The following RBM26 variants were observed in gnomAD, a reference collection of about 807,000 sequenced individuals.
RBM26 encodes the protein RNA-binding protein 26.
In RBM26, 30 loss-of-function variants were observed where a neutral mutation model predicts 123.6. That is an observed-to-expected ratio of 0.24 (90% confidence interval 0.18 to 0.33). The LOEUF (loss-of-function observed/expected upper bound fraction) is 0.33. Among genes scored for constraint, RBM26 ranks in the 10% least tolerant of loss-of-function variants. The pLI is 1.00. For synonymous variants in RBM26, 400 were observed against 404.4 expected, an observed-to-expected ratio of 0.99 and a Z score of 0.13; for missense variants, 947 against 1,203.6, an observed-to-expected ratio of 0.79 and a Z score of 3.15.
chr13:79,368,778 A>C lies in RBM26; in HGVS notation c.847T>G (p.Ser283Ala). Residue 283 changes from serine (S) to alanine (A), a missense_variant, in exon 6 of 22, where the codon TCT becomes GCT. Coordinates refer to ENST00000438737, the MANE Select transcript of RBM26 (RefSeq NM_001366735.2). Reference protein sequence around the residue: ...EFHEDQVDHNSYVRPPMPKKR... With the variant: ...EFHEDQVDHNAYVRPPMPKKR... ...TTTGGCATGGGTGGTCTTACGTAAG[A>C]GTTATGGTCCACTTGGTCTTCATGA... 3 of 1,614,006 alleles carry C rather than the reference A, an allele frequency of 1.9e-6. No individual in the cohort carries two copies. The highest frequency in any genetic ancestry group is 2.5e-6 in the Non-Finnish European group (3 of 1,179,926).
intron 9 of RBM26, among the ~76,000 whole-genome samples, chr13:79,364,139 T>C (rs1434342374): frequency 2.0e-5 from 3 of 152,096 alleles, no homozygotes; most frequent in Non-Finnish European, 2.9e-5. Flanking sequence ...CTTTTTTCTA[T>C]TGTTGTTAAT....
intron 19 of RBM26, among the ~76,000 whole-genome samples, chr13:79,335,005 A>G (rs978598830): frequency 6.6e-6 from 1 of 152,170 alleles, no homozygotes; most frequent in African/African-American, 2.4e-5. Context: ...TTTAAAAGCT[A>G]AACACATTAT....
chr13:79,331,603 T>C (rs2069405588), intron 20 of RBM26, among the ~76,000 whole-genome samples: 1 of 150,610 alleles, frequency 6.6e-6, no homozygotes, highest in Non-Finnish European at 1.5e-5. Context: ...ACCACTGCAC[T>C]CCAGCCTGGG....
chr13:79,365,671 T>C lies in RBM26; in HGVS notation c.1324A>G (p.Asn442Asp). The C allele has an allele frequency of 6.2e-7, 1 of 1,613,964 alleles. No individual in the cohort carries two copies. The highest frequency in any genetic ancestry group is 8.5e-7 in the Non-Finnish European group (1 of 1,179,874). Residue 442 changes from asparagine to aspartate, a missense_variant, in exon 9 of 22, where the codon AAC becomes GAC. Transcript: ENST00000438737. ...TGTCTATACATAGGTCTGGAAGTGT[T>C]TGTTATGCTTGGGGCTTCAGGATTG... ...GYNPEAPSIT[N>D]TSRPMYRHRV...
chr13:79,382,413 G>C (rs1317631543), intron 1 of RBM26, among the ~76,000 whole-genome samples: 1 of 151,970 alleles, frequency 6.6e-6, no homozygotes, highest in Non-Finnish European at 1.5e-5. Flanking sequence ...AAGCAGACCT[G>C]AAATTGCCTT....
intron 1 of RBM26, among the ~76,000 whole-genome samples, chr13:79,381,751 G>A (rs376927610): frequency 3.2e-4 from 48 of 152,108 alleles, no homozygotes; most frequent in Admixed American, 1.2e-3. Flanking sequence ...CAGCAAGACA[G>A]AATTAAAGAA....
intron 20 of RBM26, among the ~76,000 whole-genome samples, chr13:79,327,021 C>T (rs376831599): frequency 3.3e-5 from 5 of 151,910 alleles, no homozygotes; most frequent in Admixed American, 6.6e-5. Context: ...CTAGCCTGGG[C>T]GTAGTGACAG....
chr13:79,392,018 ATTATTATATAATT>A (rs1415285407), intron 1 of RBM26, among the ~76,000 whole-genome samples: 1 of 81,082 alleles, frequency 1.2e-5, no homozygotes, highest in Admixed American at 1.6e-4. Context: ...TATATTATAC[ATTATTATATAATT>A]ATATATTATA....
At chr13:79,370,734 T>A (rs1295182249) in intron 5 of RBM26, among the ~76,000 whole-genome samples, 1 of 152,162 alleles carries the variant, frequency 6.6e-6, no homozygotes, top group Non-Finnish European at 1.5e-5. Context: ...TGTATCATCG[T>A]GGCTATCCTG....
At chr13:79,353,284 A>G in intron 13 of RBM26, 60 bp from the exon 14 acceptor site, 1 of 965,168 alleles carries the variant, frequency 1.0e-6, no homozygotes, top group Non-Finnish European at 1.6e-6. Context: ...GTCTGTTGGG[A>G]TCTTGAACAT....
chr13:79,341,484 T>C (rs1228192189), intron 17 of RBM26, among the ~76,000 whole-genome samples: 1 of 151,730 alleles, frequency 6.6e-6, no homozygotes, highest in Non-Finnish European at 1.5e-5. Flanking sequence ...CAGACTGATA[T>C]GGGGTAATTA....
At chr13:79,401,943 A>G (rs147486855) in intron 1 of RBM26, among the ~76,000 whole-genome samples, 264 of 152,232 alleles carry the variant, frequency 1.7e-3, no homozygotes, top group African/African-American at 6.0e-3. Context: ...ACAAAACCTC[A>G]GTACGTCATT....
At chr13:79,357,253 A>G (rs1218819826) in intron 11 of RBM26, among the ~76,000 whole-genome samples, 1 of 152,132 alleles carries the variant, frequency 6.6e-6, no homozygotes. Flanking sequence ...TATTACTTTT[A>G]TAGTACTTTT....
At chr13:79,355,453 C>A in intron 11 of RBM26, 69 bp from the exon 12 acceptor site, 2 of 1,266,962 alleles carry the variant, frequency 1.6e-6, no homozygotes, top group East Asian at 2.3e-5. Flanking sequence ...TAAAATTCCC[C>A]AGTAAGTGAA....
At chr13:79,363,100 A>G (rs1172148086) in intron 9 of RBM26, among the ~76,000 whole-genome samples, 1 of 152,188 alleles carries the variant, frequency 6.6e-6, no homozygotes, top group African/African-American at 2.4e-5. Context: ...TCTGCAAAAA[A>G]TAACTGTCAG....
Position 79,359,561 on chromosome 13 carries a change from C to T in RBM26, c.1529+14G>A. The T allele has an allele frequency of 8.0e-7, 1 of 1,249,534 alleles. No homozygotes were observed. The highest frequency in any genetic ancestry group is 1.2e-6 in the Non-Finnish European group (1 of 866,960). 77.4% of individuals were successfully genotyped at this position (1,249,534 alleles called of 1,614,324 possible). A position where few individuals can be genotyped will look rare whatever the true frequency, so the allele number is the denominator to read the frequency against. Reference sequence around the variant, plus strand: ...ATGCACAATTATACTCCTCAATTTTCCTGGCCACCTTACTTATCAAACCAA... The same window carrying T: ...ATGCACAATTATACTCCTCAATTTTTCTGGCCACCTTACTTATCAAACCAA... On this transcript the variant is annotated intron_variant, in intron 10 of 21. Transcript: ENST00000438737.
intron 1 of RBM26, among the ~76,000 whole-genome samples, chr13:79,400,895 G>A (rs1370525763): frequency 6.6e-6 from 1 of 152,136 alleles, no homozygotes; most frequent in Admixed American, 6.5e-5. Flanking sequence ...ATGGCTGAGG[G>A]CAAATTAACA....
chr13:79,362,620 G>A (rs1452379721), intron 9 of RBM26, among the ~76,000 whole-genome samples: 9 of 152,150 alleles, frequency 5.9e-5, no homozygotes, highest in Non-Finnish European at 1.5e-5. Context: ...TCCAAGGACC[G>A]GTTCTGCAAA....
At chr13:79,315,110 A>C, downstream of RBM26, 1 of 498,450 alleles carries the variant, frequency 2.0e-6, no homozygotes, top group Non-Finnish European at 3.5e-6. Flanking sequence ...TCTATTTGAG[A>C]AAGAAATCAA....
Sources: gnomAD v4.1 joint callset for allele counts (sites outside exome capture counted in the v4.1 genomes callset) on GRCh38, gnomAD v4.1.1 for gene constraint, MANE v1.5 for transcripts, NCBI Gene and HGNC (gene_info 2026-07-23, HGNC 2026-07-21) for gene names.